Variants in FOXJ3 observed in about 807,000 individuals in gnomAD.
The protein encoded by FOXJ3 is forkhead box J3.
Under a neutral mutation model 76.1 loss-of-function variants are expected in FOXJ3, and 22 were observed. That is an observed-to-expected ratio of 0.29 (90% CI 0.21 to 0.41). The LOEUF (loss-of-function observed/expected upper bound fraction) is 0.41, where lower values mean the gene tolerates loss of function less well. Among genes scored for constraint, FOXJ3 ranks in the 10% least tolerant of loss-of-function variants. The pLI, the probability that FOXJ3 is intolerant of heterozygous loss-of-function variation, is 1.00. For missense variants in FOXJ3, 613 were observed against 762.1 expected, an observed-to-expected ratio of 0.80 and a Z score of 2.30; for synonymous variants, 269 against 261.2, an observed-to-expected ratio of 1.03 and a Z score of -0.29.
chr1:42,254,096 A>T lies in FOXJ3; in HGVS notation c.444+11019T>A, dbSNP rs1292311250. On this transcript the variant is annotated intron_variant, in intron 4 of 12. Coordinates refer to ENST00000361346, the MANE Select transcript of FOXJ3 (RefSeq NM_014947.5). ...AAGGGCTAATATCCAGAATCTACAA[A>T]GAACTCAAACAAATTTACAAGAAAA... is the stretch of plus-strand genomic sequence containing the variant. Among the ~76,000 whole-genome samples the T allele has an allele frequency of 4.6e-3, 705 of 152,176 alleles. 8 individuals carry two copies. Among genetic ancestry groups the T allele is most frequent in the African/African-American group, 0.016 (679 of 41,510 alleles).
At chr1:42,180,470 C>G (rs144300495) in intron 12 of FOXJ3, among the ~76,000 whole-genome samples, 14 of 152,154 alleles carry the variant, frequency 9.2e-5, no homozygotes, top group African/African-American at 3.1e-4. Flanking sequence ...CAGACCCCCC[C>G]CTTCTAAACC....
At chr1:42,320,870 G>A (rs750766169) in intron 1 of FOXJ3, among the ~76,000 whole-genome samples, 33 of 152,122 alleles carry the variant, frequency 2.2e-4, no homozygotes, top group Non-Finnish European at 4.1e-4. Context: ...AAACCAAGAC[G>A]CCACTTCCCT....
intron 2 of FOXJ3, among the ~76,000 whole-genome samples, chr1:42,307,279 G>A (rs1654528415): frequency 6.6e-6 from 1 of 151,880 alleles, no homozygotes; most frequent in South Asian, 2.1e-4. Context: ...CAAGGTCTGG[G>A]TCCCAATCTC....
Position 42,265,166 on chromosome 1 carries a change from T to C in FOXJ3, c.393A>G (p.Ser131=), listed in dbSNP as rs1446502364. Residue 131 remains serine (S), a synonymous_variant, in exon 4 of 13, where the codon TCA becomes TCG. Transcript: ENST00000361346. ...GWKNSIRHNL[S]LNKCFLKVPR... Reference sequence around the variant, plus strand: ...GCACTTTAAGGAAACATTTGTTCAATGACAGATTATGTCGTATGGAATTCT... The same window carrying C: ...GCACTTTAAGGAAACATTTGTTCAACGACAGATTATGTCGTATGGAATTCT... The C allele has an allele frequency of 4.4e-6, 7 of 1,598,046 alleles. No individual in the cohort carries two copies. The highest frequency in any genetic ancestry group is 1.3e-5 in the African/African-American group (1 of 74,364).
At chr1:42,274,838 T>C (rs919021824) in intron 3 of FOXJ3, among the ~76,000 whole-genome samples, 1 of 149,630 alleles carries the variant, frequency 6.7e-6, no homozygotes, top group African/African-American at 2.5e-5. Flanking sequence ...TGAGAAATAA[T>C]ACATGAGCTG....
In FOXJ3 at chr1:42,177,705, C is replaced by T. The variant is rs1646239753; in HGVS notation, c.*2005G>A. On this transcript the variant is annotated 3_prime_UTR_variant, in exon 13 of 13. Coordinates refer to ENST00000361346, the MANE Select transcript of FOXJ3 (RefSeq NM_014947.5). ...TTCCTTTCTCCCCAACCTCACCAGC[C>T]CTTACCATGGCTGGCTTCCCAGTGA... 1 of 152,396 alleles carries T rather than the reference C, an allele frequency of 6.6e-6. No individual in the cohort carries two copies. The highest frequency in any genetic ancestry group is 2.4e-5 in the African/African-American group (1 of 41,360). The allele number at this position is 152,396 out of a possible 1,614,324, so 9.4% of individuals were successfully genotyped here. A position where few individuals can be genotyped will look rare whatever the true frequency, so the allele number is the denominator to read the frequency against.
chr1:42,246,830 G>T (rs1044439480), intron 4 of FOXJ3, among the ~76,000 whole-genome samples: 4 of 152,094 alleles, frequency 2.6e-5, no homozygotes, highest in Admixed American at 2.0e-4. Flanking sequence ...AGAACATATG[G>T]TATATATACA....
At chr1:42,295,926 A>C in intron 2 of FOXJ3, among the ~76,000 whole-genome samples, 1 of 152,164 alleles carries the variant, frequency 6.6e-6, no homozygotes, top group Admixed American at 6.5e-5. Context: ...GTTCTTTGAG[A>C]AATCTCCATA....
intron 3 of FOXJ3, 28 bp downstream of exon 3, chr1:42,278,320 A>G: frequency 7.0e-7 from 1 of 1,425,212 alleles, no homozygotes; most frequent in East Asian, 2.3e-5. Context: ...TTACTTCATA[A>G]AAGTAATAAT....
intron 1 of FOXJ3, among the ~76,000 whole-genome samples, chr1:42,320,033 G>A (rs780576217): frequency 2.6e-5 from 4 of 151,934 alleles, no homozygotes; most frequent in East Asian, 1.9e-4. Flanking sequence ...TCTACAAATC[G>A]ACTACTTCGG....
chr1:42,305,866 T>C (rs1019834600), intron 2 of FOXJ3, among the ~76,000 whole-genome samples: 7 of 152,174 alleles, frequency 4.6e-5, no homozygotes, highest in South Asian at 4.1e-4. Context: ...AAGAGTGTAA[T>C]TGGATTCTTT....
At chr1:42,281,382 A>C (rs1652698568) in intron 2 of FOXJ3, among the ~76,000 whole-genome samples, 1 of 151,964 alleles carries the variant, frequency 6.6e-6, no homozygotes, top group South Asian at 2.1e-4. Flanking sequence ...AGAAGGAAGA[A>C]CTTAGCAAGT....
intron 3 of FOXJ3, among the ~76,000 whole-genome samples, chr1:42,275,593 T>C (rs1652199935): frequency 6.6e-6 from 1 of 152,028 alleles, no homozygotes; most frequent in African/African-American, 2.4e-5. Context: ...GCCCAGGAGT[T>C]TGAGGCTGCA....
intron 2 of FOXJ3, among the ~76,000 whole-genome samples, chr1:42,289,423 G>A (rs994194418): frequency 2.6e-5 from 4 of 152,112 alleles, no homozygotes; most frequent in African/African-American, 9.7e-5. Flanking sequence ...AGCATACAGT[G>A]AATGCTTGGC....
At chr1:42,329,058 C>A (rs963204852) in intron 1 of FOXJ3, among the ~76,000 whole-genome samples, 6 of 152,116 alleles carry the variant, frequency 3.9e-5, no homozygotes, top group Non-Finnish European at 7.3e-5. Context: ...GTCCTGATCC[C>A]ACAGAATAAT....
At chr1:42,330,922 T>C (rs921646804) in intron 1 of FOXJ3, among the ~76,000 whole-genome samples, 3 of 152,156 alleles carry the variant, frequency 2.0e-5, no homozygotes, top group African/African-American at 7.2e-5. Flanking sequence ...AGAAAATGTA[T>C]ATAAACCAAT....
intron 2 of FOXJ3, among the ~76,000 whole-genome samples, chr1:42,300,199 C>CAA (rs1045062301): frequency 1.3e-5 from 2 of 149,542 alleles, no homozygotes; most frequent in Non-Finnish European, 3.0e-5. Context: ...GACTCTGTCT[C>CAA]AAAAAAAAAT....
intron 4 of FOXJ3, among the ~76,000 whole-genome samples, chr1:42,234,689 A>G (rs532562592): frequency 6.6e-6 from 1 of 152,312 alleles, no homozygotes; most frequent in African/African-American, 2.4e-5. Flanking sequence ...CCTGGGTATC[A>G]GCAGCAGAGG....
At chr1:42,315,575 T>C (rs1655056472) in intron 1 of FOXJ3, 1 of 186,310 alleles carries the variant, frequency 5.4e-6, no homozygotes, top group African/African-American at 2.4e-5. Context: ...GTGTTATTCA[T>C]TTTTCCTCTA....
Sources: allele counts gnomAD v4.1 joint callset (sites outside exome capture counted in the v4.1 genomes callset), GRCh38; gene constraint gnomAD v4.1.1; transcripts MANE v1.5; gene names NCBI Gene and HGNC (gene_info 2026-07-23, HGNC 2026-07-21).